The following SND1 variants were observed in gnomAD, a reference collection of about 807,000 sequenced individuals.
The protein encoded by SND1 is staphylococcal nuclease domain-containing protein 1.
Under a neutral mutation model 121.7 loss-of-function variants are expected in SND1, and 38 were observed. The ratio of observed to expected loss-of-function variants is 0.31; its 90% CI spans 0.24 to 0.41. The LOEUF (loss-of-function observed/expected upper bound fraction) is 0.41, where lower values mean the gene tolerates loss of function less well. SND1 is among the 10% of genes least tolerant of loss of function. SND1 has a pLI of 1.00. For missense variants in SND1, 868 were observed against 1,184.6 expected (o/e 0.73, Z 3.92); for synonymous variants, 401 against 447.4 (o/e 0.90, Z 1.31).
chr7:127,934,152 T>TAC (rs1384293230), intron 15 of SND1, among the ~76,000 whole-genome samples: 5 of 94,640 alleles, frequency 5.3e-5, no homozygotes, highest in Non-Finnish European at 1.3e-4. Context: ...TGTTTTGAAG[T>TAC]ACATATGAGT....
At chr7:128,060,715 C>G (rs989757542) in intron 16 of SND1, among the ~76,000 whole-genome samples, 2 of 152,156 alleles carry the variant, frequency 1.3e-5, no homozygotes, top group African/African-American at 4.8e-5. Flanking sequence ...AGTCTCAAAG[C>G]TTTTTCCGAG....
chr7:127,923,460 G>A (rs1265666649), intron 14 of SND1, among the ~76,000 whole-genome samples: 1 of 152,166 alleles, frequency 6.6e-6, no homozygotes, highest in East Asian at 1.9e-4. Context: ...ACCAGCCAGG[G>A]AAGAGCAGTT....
rs370593603 is a variant in SND1, at chr7:128,070,852, C to T, written c.1780-3650C>T. Among the ~76,000 whole-genome samples the T allele has an allele frequency of 2.0e-4, 31 of 152,262 alleles. No homozygotes were observed. In the East Asian group the frequency reaches 5.8e-3, roughly 28 times the overall value. The stretch of plus-strand genomic sequence containing the variant: ...AAATCTATTTTTGTAACCCCAAAAT[C>T]AATACTCATGGTACTTTTGCAGTCA... On this transcript the variant is annotated intron_variant, in intron 16 of 23. Coordinates refer to ENST00000354725, the MANE Select transcript of SND1 (RefSeq NM_014390.4).
At chr7:127,769,797 A>G (rs1797483031) in intron 10 of SND1, among the ~76,000 whole-genome samples, 1 of 152,238 alleles carries the variant, frequency 6.6e-6, no homozygotes, top group South Asian at 2.1e-4. Flanking sequence ...TTACAAAGGC[A>G]ACTGTATGAA....
intron 9 of SND1, 71 bp downstream of exon 9, chr7:127,707,718 C>A: frequency 1.5e-6 from 2 of 1,329,374 alleles, no homozygotes; most frequent in Non-Finnish European, 2.2e-6. Context: ...AGAATTTGAA[C>A]AATTAGAAAT....
chr7:127,807,102 A>AGGT (rs1584587358), intron 10 of SND1, among the ~76,000 whole-genome samples: 1 of 152,380 alleles, frequency 6.6e-6, no homozygotes, highest in East Asian at 1.9e-4. Flanking sequence ...AACAGTTGGT[A>AGGT]GGTGCTCAGT....
At chr7:127,849,134 C>T (rs1799121035) in intron 12 of SND1, among the ~76,000 whole-genome samples, 1 of 152,144 alleles carries the variant, frequency 6.6e-6, no homozygotes, top group African/African-American at 2.4e-5. Flanking sequence ...TCGTTTTAGG[C>T]CTGGTTTGTG....
At chr7:127,950,383 A>G (rs761103539) in intron 15 of SND1, among the ~76,000 whole-genome samples, 1 of 152,242 alleles carries the variant, frequency 6.6e-6, no homozygotes. Flanking sequence ...GAAGTGGAGA[A>G]AAAATAGTGT....
intron 10 of SND1, among the ~76,000 whole-genome samples, chr7:127,743,888 G>T: frequency 6.6e-6 from 1 of 152,134 alleles, no homozygotes; most frequent in East Asian, 1.9e-4. Context: ...CTTATCTGCT[G>T]GTGACATCAC....
chr7:127,804,543 T>A (rs1043859913), intron 10 of SND1, among the ~76,000 whole-genome samples: 1 of 152,188 alleles, frequency 6.6e-6, no homozygotes, highest in Non-Finnish European at 1.5e-5. Flanking sequence ...GAACAGTGTT[T>A]CTTACCTTTT....
intron 16 of SND1, chr7:128,030,537 A>G: frequency 6.2e-7 from 1 of 1,613,444 alleles, no homozygotes; most frequent in Non-Finnish European, 8.5e-7. Flanking sequence ...GGCAGCAGCG[A>G]TGGCTGCACA....
intron 12 of SND1, among the ~76,000 whole-genome samples, chr7:127,853,668 G>A (rs1005761142): frequency 3.3e-5 from 5 of 152,166 alleles, no homozygotes; most frequent in African/African-American, 1.2e-4. Flanking sequence ...TTTTACTAGT[G>A]CCTGGGCTTC....
chr7:127,874,514 G>A (rs943072279), intron 12 of SND1, among the ~76,000 whole-genome samples: 2 of 151,890 alleles, frequency 1.3e-5, no homozygotes, highest in Admixed American at 6.6e-5. Context: ...TCCTACTCCC[G>A]CCATCAATGA....
chr7:128,039,555 A>G (rs1429828504), intron 16 of SND1, among the ~76,000 whole-genome samples: 2 of 152,092 alleles, frequency 1.3e-5, no homozygotes, highest in Non-Finnish European at 2.9e-5. Flanking sequence ...CCAGTTCTCA[A>G]TTTTTAGAAT....
intron 10 of SND1, among the ~76,000 whole-genome samples, chr7:127,804,626 A>G (rs1798197987): frequency 6.6e-6 from 1 of 151,992 alleles, no homozygotes; most frequent in Non-Finnish European, 1.5e-5. Context: ...ATGTGGGGAG[A>G]CAGATGTAGC....
chr7:128,015,982 C>T lies in SND1; in HGVS notation c.1779+24926C>T, dbSNP rs1803216025. On this transcript the variant is annotated intron_variant, in intron 16 of 23. Transcript: ENST00000354725. This position sits in a 1 kb window ranked among gnomAD's most constrained non-coding sequence, Gnocchi z 4.5. ...CATTTGGGTCATCTGCAAACCAAAG[C>T]GATCTCAGCAGCTGCTGGAATGCCA... 6.6e-6 allele frequency among the ~76,000 whole-genome samples: 1 copy of T among 152,100 alleles called. No individual in the cohort carries two copies. The highest frequency in any genetic ancestry group is 1.5e-5 in the Non-Finnish European group (1 of 68,008).
At chr7:127,652,933 T>G (rs1478129436) in intron 1 of SND1, among the ~76,000 whole-genome samples, 2 of 152,100 alleles carry the variant, frequency 1.3e-5, no homozygotes, top group East Asian at 3.9e-4. Context: ...TGGCCCTCTT[T>G]TCCTCTCTTT....
At chr7:127,832,069 G>A (rs973575986) in intron 11 of SND1, among the ~76,000 whole-genome samples, 2 of 152,108 alleles carry the variant, frequency 1.3e-5, no homozygotes, top group African/African-American at 4.8e-5. Context: ...TAGCTCCCAC[G>A]TGTTCTCAGC....
intron 20 of SND1, among the ~76,000 whole-genome samples, chr7:128,086,155 C>T (rs897543205): frequency 3.9e-5 from 6 of 152,314 alleles, no homozygotes; most frequent in African/African-American, 9.6e-5. Flanking sequence ...CGCTAATCCC[C>T]GGCACATCCC....
Sources: gnomAD v4.1 joint callset for allele counts (sites outside exome capture counted in the v4.1 genomes callset) on GRCh38, gnomAD v4.1.1 for gene constraint, Gnocchi (gnomAD v3.1) non-coding constraint, MANE v1.5 for transcripts, NCBI Gene and HGNC (gene_info 2026-07-23, HGNC 2026-07-21) for gene names.